Variants in ANKRD36C observed in about 807,000 individuals in gnomAD.
The protein encoded by ANKRD36C is ankyrin repeat domain-containing protein 36C.
In ANKRD36C, 61 loss-of-function variants were observed where a neutral mutation model predicts 276.4. That is an observed-to-expected ratio of 0.22 (90% confidence interval 0.18 to 0.27). The LOEUF (loss-of-function observed/expected upper bound fraction) is 0.27. Among genes scored for constraint, ANKRD36C ranks in the 10% least tolerant of loss-of-function variants. The pLI is 1.00. For synonymous variants in ANKRD36C, 483 were observed against 680.1 expected (o/e 0.71, Z 4.51); for missense variants, 1,447 against 2,032.3 (o/e 0.71, Z 5.54).
At chr2:95,977,340 AT>A in intron 6 of ANKRD36C, among the ~76,000 whole-genome samples, 1 of 152,194 alleles carries the variant, frequency 6.6e-6, no homozygotes, top group Non-Finnish European at 1.5e-5. Context: ...ATATGTTTAT[AT>A]TTCCTAGATC....
chr2:95,889,097 C>A (rs889649120), intron 48 of ANKRD36C, among the ~76,000 whole-genome samples: 1 of 151,484 alleles, frequency 6.6e-6, no homozygotes, highest in Non-Finnish European at 1.5e-5. Flanking sequence ...CTGAAATCAA[C>A]AAAACAAGTA....
Position 95,893,686 on chromosome 2 carries a change from G to A in ANKRD36C, c.2756-1826C>T, listed in dbSNP as rs1322550837. The A allele has an allele frequency of 1.2e-6, 2 of 1,604,620 alleles. No homozygotes were observed. Among genetic ancestry groups the A allele is most frequent in the Non-Finnish European group, 8.5e-7 (1 of 1,176,474 alleles). On this transcript the variant is annotated intron_variant, in intron 44 of 66. Coordinates refer to ENST00000456556, the Ensembl canonical transcript of ANKRD36C. Reference sequence around the variant, plus strand: ...TAACTCGTTCACAATATAAATGAGAGTTTCATTACCTTCAAGGCTGGTGGT... The same window carrying A: ...TAACTCGTTCACAATATAAATGAGAATTTCATTACCTTCAAGGCTGGTGGT...
chr2:95,948,777 A>G (rs947481744), intron 16 of ANKRD36C, among the ~76,000 whole-genome samples, 181 bp from the exon 17 acceptor site: 2 of 152,164 alleles, frequency 1.3e-5, no homozygotes, highest in Non-Finnish European at 2.9e-5. Flanking sequence ...CTTCCATTTT[A>G]GAAAACATTT....
At chr2:95,987,604 A>ATTT (rs1679055618) in intron 1 of ANKRD36C, among the ~76,000 whole-genome samples, 1 of 129,842 alleles carries the variant, frequency 7.7e-6, no homozygotes, top group African/African-American at 3.0e-5. Flanking sequence ...ACTTACAAAG[A>ATTT]CTTTTTTTTT....
rs1460768900 is a variant in ANKRD36C, at chr2:95,893,682, G to A, written c.2756-1822C>T. 4 of 1,604,066 alleles carry A rather than the reference G, an allele frequency of 2.5e-6. No individual in the cohort carries two copies. The highest frequency in any genetic ancestry group is 2.7e-5 in the African/African-American group (2 of 74,454). On this transcript the variant is annotated intron_variant, in intron 44 of 66. Transcript: ENST00000456556. Reference sequence around the variant, plus strand: ...ACATTAACTCGTTCACAATATAAATGAGAGTTTCATTACCTTCAAGGCTGG... The same window carrying A: ...ACATTAACTCGTTCACAATATAAATAAGAGTTTCATTACCTTCAAGGCTGG...
At chr2:95,975,666 T>TA (rs1278568056) in intron 6 of ANKRD36C, among the ~76,000 whole-genome samples, 1 of 152,114 alleles carries the variant, frequency 6.6e-6, no homozygotes, top group Admixed American at 6.5e-5. Flanking sequence ...CCTAAAACCA[T>TA]AAAAACCCTA....
chr2:95,894,596 T>A (rs943531117), intron 44 of ANKRD36C, among the ~76,000 whole-genome samples: 10 of 151,394 alleles, frequency 6.6e-5, no homozygotes, highest in African/African-American at 1.7e-4. Flanking sequence ...AGTATCATGT[T>A]ATGTTCTAGA....
chr2:95,969,615 T>C (rs1356166986), intron 6 of ANKRD36C, among the ~76,000 whole-genome samples: 3 of 152,218 alleles, frequency 2.0e-5, no homozygotes, highest in Non-Finnish European at 4.4e-5. Flanking sequence ...AATATCGTCA[T>C]GGTTCACGGA....
At chr2:95,987,708 GCTTC>G (rs1443272086) in intron 1 of ANKRD36C, among the ~76,000 whole-genome samples, 10 of 138,486 alleles carry the variant, frequency 7.2e-5, no homozygotes, top group African/African-American at 2.7e-4. Flanking sequence ...TGCAAGCTCC[GCTTC>G]CCGGGTTCAC....
chr2:95,916,155 T>A (rs1281579676), exon 37 of ANKRD36C: 5 of 1,605,082 alleles, frequency 3.1e-6, no homozygotes, highest in Non-Finnish European at 4.2e-6. Context: ...TCAAGGCTGG[T>A]TTTTTCCGAG....
At chr2:95,888,216 C>T in intron 48 of ANKRD36C, 96 bp from the exon 69 acceptor site, 10 of 1,575,064 alleles carry the variant, frequency 6.3e-6, no homozygotes, top group Non-Finnish European at 8.6e-6. Context: ...TATCTTCCTG[C>T]CTGTATTAGT....
At chr2:95,854,466 T>A (rs1046014323) in intron 63 of ANKRD36C, among the ~76,000 whole-genome samples, 38 of 152,140 alleles carry the variant, frequency 2.5e-4, no homozygotes, top group African/African-American at 8.7e-4. Context: ...AGAATGGGGA[T>A]CCAGTGTCAA....
intron 42 of ANKRD36C, among the ~76,000 whole-genome samples, chr2:95,902,252 T>C (rs1676675963): frequency 6.7e-6 from 1 of 149,178 alleles, no homozygotes; most frequent in Non-Finnish European, 1.5e-5. Flanking sequence ...AGTGTGGTGG[T>C]GTATTCCAAT....
At chr2:95,944,764 G>T in intron 18 of ANKRD36C, 70 bp from the exon 19 acceptor site, 1 of 1,496,232 alleles carries the variant, frequency 6.7e-7, no homozygotes, top group Middle Eastern at 1.8e-4. Flanking sequence ...AGAACCGGGT[G>T]TGGGGGCTCA....
chr2:95,931,236 C>A (rs1677559706), intron 24 of ANKRD36C, among the ~76,000 whole-genome samples: 1 of 151,468 alleles, frequency 6.6e-6, no homozygotes, highest in Non-Finnish European at 1.5e-5. Flanking sequence ...GTACAAATTC[C>A]TTCTTCACAA....
intron 42 of ANKRD36C, 111 bp from the exon 53 acceptor site, chr2:95,903,192 GC>G: frequency 1.3e-6 from 2 of 1,484,646 alleles, no homozygotes; most frequent in Non-Finnish European, 1.8e-6. Flanking sequence ...ATTAGCGTAG[GC>G]TTTGATGGCT....
At chr2:95,883,714 C>T (rs1255220353) in intron 54 of ANKRD36C, among the ~76,000 whole-genome samples, 1 of 151,992 alleles carries the variant, frequency 6.6e-6, no homozygotes, top group African/African-American at 2.4e-5. Context: ...CCTGACAATC[C>T]CTCTTCCTTG....
intron 8 of ANKRD36C, 59 bp downstream of exon 8, chr2:95,962,293 G>T: frequency 6.6e-7 from 1 of 1,513,114 alleles, no homozygotes; most frequent in South Asian, 1.2e-5. Context: ...TTTATTCAGG[G>T]AACAGCAGTT....
At chr2:95,895,858 G>C (rs900492222) in intron 44 of ANKRD36C, among the ~76,000 whole-genome samples, 2 of 151,040 alleles carry the variant, frequency 1.3e-5, no homozygotes, top group African/African-American at 2.4e-5. Flanking sequence ...CAATATCAAT[G>C]TGGATATGAT....
Sources: allele counts gnomAD v4.1 joint callset (sites outside exome capture counted in the v4.1 genomes callset), GRCh38; gene constraint gnomAD v4.1.1; transcripts MANE v1.5; gene names NCBI Gene and HGNC (gene_info 2026-07-23, HGNC 2026-07-21).